Variants in NLK observed in about 807,000 individuals in gnomAD.
NLK encodes the protein serine/threonine-protein kinase NLK.
NLK carries 11 observed loss-of-function variants against 59.0 expected under a neutral mutation model. That is an observed-to-expected ratio of 0.19 (90% CI 0.12 to 0.31). NLK has a LOEUF of 0.31. Among genes scored for constraint, NLK ranks in the 10% least tolerant of loss-of-function variants. NLK has a pLI of 1.00. For synonymous variants in NLK, 235 were observed against 235.9 expected (o/e 1.00, Z 0.03); for missense variants, 410 against 661.1 (o/e 0.62, Z 4.16).
intron 1 of NLK, among the ~76,000 whole-genome samples, chr17:28,109,534 C>T (rs1043121977): frequency 1.3e-5 from 2 of 152,190 alleles, no homozygotes; most frequent in Admixed American, 6.5e-5. Flanking sequence ...GTAACCTACT[C>T]CCAACCCCAG....
At chr17:28,046,644 G>A (rs887653324) in intron 1 of NLK, among the ~76,000 whole-genome samples, 1 of 152,166 alleles carries the variant, frequency 6.6e-6, no homozygotes, top group Non-Finnish European at 1.5e-5. Flanking sequence ...TTTGCCAGAG[G>A]AAAATGCTGT....
In NLK at chr17:28,103,015, CTAACAACCTTT is replaced by C. The variant is rs1274219986; in HGVS notation, c.459-19575_459-19565del. On this transcript the variant is annotated intron_variant, in intron 1 of 10. Transcript: ENST00000407008. The stretch of plus-strand genomic sequence containing the variant: ...TTCATGTGGAGCAACTCTGCAATTT[CTAACAACCTTT>C]TAACAACCTTTTGGTAGTAATTATC... 1.4e-4 allele frequency among the ~76,000 whole-genome samples: 21 copies of C among 152,310 alleles called. No individual in the cohort carries two copies. The East Asian group carries it at 4.0e-3, about 29-fold the overall frequency.
intron 1 of NLK, among the ~76,000 whole-genome samples, chr17:28,100,868 G>A (rs75088299): frequency 0.01 from 1,576 of 152,180 alleles, 30 homozygotes; most frequent in African/African-American, 0.036. Context: ...TGAAAGGGTA[G>A]CCTTATATGT....
At chr17:28,111,977 A>G (rs1456268261) in intron 1 of NLK, among the ~76,000 whole-genome samples, 1 of 147,080 alleles carries the variant, frequency 6.8e-6, no homozygotes, top group Non-Finnish European at 1.5e-5. Context: ...GTTTTCAAAT[A>G]TGCCCAGCTT....
chr17:28,068,060 GAAGCCGAGAGGTGGAGGTTGCAGT>G (rs1457706067), intron 1 of NLK, among the ~76,000 whole-genome samples: 2 of 150,890 alleles, frequency 1.3e-5, no homozygotes, highest in Non-Finnish European at 2.9e-5. Context: ...AGAATTGCTT[GAAGCCGAGAGGTGGAGGTTGCAGT>G]AAGCCGAGAG....
chr17:28,079,763 A>G (rs1175756856), intron 1 of NLK, among the ~76,000 whole-genome samples: 1 of 152,034 alleles, frequency 6.6e-6, no homozygotes, highest in African/African-American at 2.4e-5. Flanking sequence ...ATTTTTTCCC[A>G]TTCTATAGGT....
chr17:28,170,079 T>C (rs1343315875), intron 6 of NLK, among the ~76,000 whole-genome samples: 1 of 151,992 alleles, frequency 6.6e-6, no homozygotes, highest in East Asian at 1.9e-4. Flanking sequence ...AATAAGGCAG[T>C]AAGATGCTGG....
intron 3 of NLK, among the ~76,000 whole-genome samples, chr17:28,141,924 T>A (rs1907010478): frequency 6.6e-6 from 1 of 152,194 alleles, no homozygotes; most frequent in Non-Finnish European, 1.5e-5. Context: ...CAGCTCTTAA[T>A]CTCTGGGTTT....
At chr17:28,200,557 C>T (rs886483731), downstream of NLK, among the ~76,000 whole-genome samples, 3 of 152,220 alleles carry the variant, frequency 2.0e-5, no homozygotes, top group African/African-American at 7.2e-5. Context: ...GATCTCAGCT[C>T]ACTGCAACCT....
intron 1 of NLK, among the ~76,000 whole-genome samples, chr17:28,116,573 C>T (rs1172926083): frequency 1.3e-5 from 2 of 152,170 alleles, no homozygotes; most frequent in Non-Finnish European, 2.9e-5. Flanking sequence ...GTATGCTCTA[C>T]GACAATTCAG....
intron 3 of NLK, among the ~76,000 whole-genome samples, chr17:28,149,040 T>C (rs945575635): frequency 1.3e-5 from 2 of 152,206 alleles, no homozygotes; most frequent in Non-Finnish European, 2.9e-5. Context: ...GTCCATTTTA[T>C]TTTTATTACT....
intron 1 of NLK, among the ~76,000 whole-genome samples, chr17:28,085,031 T>TA (rs755244849): frequency 6.6e-6 from 1 of 152,230 alleles, no homozygotes; most frequent in Non-Finnish European, 1.5e-5. Context: ...TGGCCCTTCC[T>TA]AAAAAGTGTT....
rs1908912912 is a variant in NLK, at chr17:28,042,980, C to T, written c.107C>T (p.Pro36Leu). 1 of 1,557,214 alleles carries T rather than the reference C, an allele frequency of 6.4e-7. No homozygotes were observed. The highest frequency in any genetic ancestry group is 8.7e-7 in the Non-Finnish European group (1 of 1,149,820). Residue 36 changes from proline to leucine, a missense_variant, in exon 1 of 11, where the codon CCA (proline) becomes CTA (leucine). By Grantham distance (98) the Pro-to-Leu change is moderately conservative. Transcript: ENST00000407008. ...GHHHHHHHHL[P>L]HLPPPHLHHH... The stretch of plus-strand genomic sequence containing the variant: ...CACCACCACCATCACCACCACCTTC[C>T]ACACCTCCCTCCTCCTCACCTGCAC...
Position 28,139,181 on chromosome 17 carries a change from A to G in NLK, c.644+6506A>G, listed in dbSNP as rs1906882575. ...TGAGGCGGGAGAATCTCTTGAACCC[A>G]GGAGGTGAAGATTGCAGTGATCGTG... On this transcript the variant is annotated intron_variant, in intron 3 of 10. Coordinates refer to ENST00000407008, the MANE Select transcript of NLK (RefSeq NM_016231.5). Among the ~76,000 whole-genome samples the G allele has an allele frequency of 5.3e-5, 8 of 152,304 alleles. No individual in the cohort carries two copies. In the South Asian group the frequency reaches 1.7e-3, roughly 32 times the overall value.
At chr17:28,069,500 T>C (rs1909938414) in intron 1 of NLK, among the ~76,000 whole-genome samples, 1 of 152,252 alleles carries the variant, frequency 6.6e-6, no homozygotes, top group Non-Finnish European at 1.5e-5. Context: ...TTTGTACTAC[T>C]ACCAGCAAAG....
At chr17:28,147,534 A>G (rs945912677) in intron 3 of NLK, among the ~76,000 whole-genome samples, 2 of 152,170 alleles carry the variant, frequency 1.3e-5, no homozygotes, top group Admixed American at 6.5e-5. Flanking sequence ...AGAGGTCAGG[A>G]GAGGCTTATC....
chr17:28,076,370 TG>T (rs1368209857), intron 1 of NLK, among the ~76,000 whole-genome samples: 1 of 152,192 alleles, frequency 6.6e-6, no homozygotes, highest in African/African-American at 2.4e-5. Flanking sequence ...TGTTCTCATC[TG>T]ATGGAAAGCA....
chr17:28,069,793 A>G (rs1301924005), intron 1 of NLK, among the ~76,000 whole-genome samples: 3 of 152,114 alleles, frequency 2.0e-5, no homozygotes, highest in Admixed American at 6.6e-5. Flanking sequence ...GCCTTTTGAC[A>G]GATCAATCTA....
intron 1 of NLK, among the ~76,000 whole-genome samples, chr17:28,086,228 C>T (rs1052709228): frequency 6.6e-6 from 1 of 152,156 alleles, no homozygotes; most frequent in East Asian, 1.9e-4. Flanking sequence ...TACCAACTGT[C>T]ACCCAGTTAC....
Sources: allele counts gnomAD v4.1 joint callset (sites outside exome capture counted in the v4.1 genomes callset), GRCh38; gene constraint gnomAD v4.1.1; transcripts MANE v1.5; gene names NCBI Gene and HGNC (gene_info 2026-07-23, HGNC 2026-07-21).